Variants in CHM observed in about 807,000 individuals in gnomAD.
CHM encodes the protein rab proteins geranylgeranyltransferase component A 1.
Under a neutral mutation model 49.0 loss-of-function variants are expected in CHM, and 10 were observed. The ratio of observed to expected loss-of-function variants is 0.20; its 90% confidence interval spans 0.13 to 0.35. The LOEUF (loss-of-function observed/expected upper bound fraction) is 0.35, where lower values mean the gene tolerates loss of function less well. Ranked by LOEUF, CHM falls within the 10% of genes least tolerant of loss-of-function variation. The probability of loss-of-function intolerance (pLI) is 1.00; values close to 1 mark genes in which losing one functional copy is unlikely to be tolerated. For synonymous variants in CHM, 184 were observed against 167.5 expected (o/e 1.10, Z -0.76); for missense variants, 455 against 478.4 (o/e 0.95, Z 0.46).
intron 8 of CHM, among the ~76,000 whole-genome samples, chrX:85,923,564 C>T (rs980080189): frequency 8.9e-6 from 1 of 112,072 alleles, no homozygotes; most frequent in Non-Finnish European, 1.9e-5. Flanking sequence ...AACATTTATA[C>T]TTTTATGCAC....
At chrX:85,996,938 AAC>A (rs1178658355) in intron 2 of CHM, among the ~76,000 whole-genome samples, 1 of 111,466 alleles carries the variant, frequency 9.0e-6, no homozygotes, top group Admixed American at 9.5e-5. Flanking sequence ...TTTATCTATC[AAC>A]ACAGTTTTTA....
chrX:85,875,658 C>T (rs1040887491), intron 13 of CHM, among the ~76,000 whole-genome samples: 8 of 111,650 alleles, frequency 7.2e-5, no homozygotes, highest in Admixed American at 2.9e-4. Context: ...AAGACATTTG[C>T]TTTCACAGCC....
chrX:85,869,503 T>G (rs903826237), intron 14 of CHM, among the ~76,000 whole-genome samples: 1 of 110,428 alleles, frequency 9.1e-6, no homozygotes, highest in Admixed American at 9.7e-5. Context: ...CCTCCTAAGA[T>G]TAGCACCAGT....
intron 4 of CHM, chrX:85,971,105 T>C (rs1440252922): frequency 3.2e-6 from 2 of 624,771 alleles, no homozygotes; most frequent in Admixed American, 1.8e-4. Flanking sequence ...AAATACACCC[T>C]ATATATTTAT....
rs116239792 is a variant in CHM, at chrX:85,924,076, T to C, written c.1167-12738A>G. 6.8e-3 allele frequency among the ~76,000 whole-genome samples: 758 copies of C among 111,149 alleles called. 4 individuals are homozygous for C. Among genetic ancestry groups the C allele is most frequent in the African/African-American group, 0.023 (697 of 30,531 alleles). On this transcript the variant is annotated intron_variant, in intron 8 of 14. Transcript: ENST00000357749. ...AGGCCAGGTTAAAGATCTTAAACTT[T>C]ACTCTTAAGTACAATGAGTAGTACA... is the stretch of plus-strand genomic sequence containing the variant.
intron 1 of CHM, among the ~76,000 whole-genome samples, chrX:86,034,779 T>TCAAAA (rs1009953131): frequency 1.8e-5 from 2 of 109,260 alleles, no homozygotes; most frequent in African/African-American, 3.3e-5. Flanking sequence ...AGACTTTGTC[T>TCAAAA]CAAAACAAAA....
intron 1 of CHM, among the ~76,000 whole-genome samples, chrX:86,037,500 C>G (rs1032954395): frequency 1.8e-5 from 2 of 111,292 alleles, no homozygotes; most frequent in African/African-American, 6.5e-5. Context: ...AAAGTATACC[C>G]CAGGCCAGTG....
At chrX:85,881,855 T>C (rs925299431) in intron 12 of CHM, among the ~76,000 whole-genome samples, 4 of 112,297 alleles carry the variant, frequency 3.6e-5, no homozygotes, top group Non-Finnish European at 5.6e-5. Flanking sequence ...AATATATTTA[T>C]GACAGTTAGA....
intron 8 of CHM, among the ~76,000 whole-genome samples, chrX:85,914,563 C>G (rs1057075818): frequency 9.0e-6 from 1 of 110,809 alleles, no homozygotes; most frequent in Non-Finnish European, 1.9e-5. Context: ...CTCCCCAAGC[C>G]ACGCTGCCAG....
intron 8 of CHM, among the ~76,000 whole-genome samples, chrX:85,920,205 C>G (rs923981285): frequency 8.1e-4 from 89 of 109,951 alleles, no homozygotes; most frequent in Non-Finnish European, 1.3e-4. Flanking sequence ...ACGCCATTCT[C>G]CTGCTTCAGC....
In CHM at chrX:85,885,983, C is replaced by T. The variant is rs562135038; in HGVS notation, c.1511-6920G>A. On this transcript the variant is annotated intron_variant, in intron 12 of 14. Transcript: ENST00000357749. ...ATTTAAAATTTATTCTTCTTAAACA[C>T]GATTTTATTGTTTGATTTCTACAAA... is the stretch of plus-strand genomic sequence containing the variant. Among the ~76,000 whole-genome samples, 16 of 111,076 alleles carry T rather than the reference C, an allele frequency of 1.4e-4. No homozygotes were observed. The South Asian group carries it at 5.3e-3, about 37-fold the overall frequency.
chrX:86,026,102 C>CT lies in CHM; in HGVS notation c.116+1388dup, dbSNP rs1167691945. ...CTGGGCTTTCAAGGTAGCAGATTTT[C>CT]TTTTTTTTTTTTTTTTTTTTTTTTT... On this transcript the variant is annotated intron_variant, in intron 2 of 14. Coordinates refer to ENST00000357749, the MANE Select transcript of CHM (RefSeq NM_000390.4). 4.1e-3 allele frequency among the ~76,000 whole-genome samples: 109 copies of CT among 26,757 alleles called. 37 individuals carry two copies. Among genetic ancestry groups the CT allele is most frequent in the Non-Finnish European group, 6.7e-3 (88 of 13,230 alleles). 23.2% of individuals were successfully genotyped at this position (26,757 alleles called of 115,157 possible).
At chrX:85,917,114 T>C (rs1163565544) in intron 8 of CHM, among the ~76,000 whole-genome samples, 1 of 112,003 alleles carries the variant, frequency 8.9e-6, no homozygotes, top group East Asian at 2.8e-4. Context: ...TATGCAGCCA[T>C]AAAGAAAGAT....
intron 8 of CHM, among the ~76,000 whole-genome samples, chrX:85,949,248 A>T (rs1020680364): frequency 1.4e-4 from 16 of 112,549 alleles, no homozygotes; most frequent in African/African-American, 5.2e-4. Flanking sequence ...CATGACAAAC[A>T]AAACTTGTAA....
intron 8 of CHM, among the ~76,000 whole-genome samples, chrX:85,932,844 G>A (rs763421743): frequency 6.5e-4 from 73 of 111,907 alleles, no homozygotes; most frequent in Non-Finnish European, 1.1e-3. Flanking sequence ...AAGCAAGAAA[G>A]TTAATTCAGT....
At chrX:85,980,478 G>A (rs1002208281) in intron 3 of CHM, among the ~76,000 whole-genome samples, 1 of 112,064 alleles carries the variant, frequency 8.9e-6, no homozygotes, top group African/African-American at 3.2e-5. Context: ...TTGTCATCAT[G>A]AGAGGCACTT....
chrX:85,902,200 T>C (rs985020113), intron 9 of CHM, among the ~76,000 whole-genome samples: 7 of 111,740 alleles, frequency 6.3e-5, no homozygotes, highest in Non-Finnish European at 1.3e-4. Context: ...CCTCATAAGA[T>C]GCAAGCAAAT....
intron 3 of CHM, among the ~76,000 whole-genome samples, chrX:85,979,637 C>A (rs769028430): frequency 3.7e-5 from 4 of 107,729 alleles, no homozygotes; most frequent in Admixed American, 1.9e-4. Context: ...AATTTTTAAT[C>A]TGTTTAAAAT....
chrX:85,942,917 C>T (rs1929201949), intron 8 of CHM, among the ~76,000 whole-genome samples: 1 of 72,691 alleles, frequency 1.4e-5, no homozygotes, highest in South Asian at 1.3e-3. Flanking sequence ...CCCCTCCCCT[C>T]ACCCCTCAAC....
Sources: allele counts gnomAD v4.1 joint callset (sites outside exome capture counted in the v4.1 genomes callset), GRCh38; gene constraint gnomAD v4.1.1; transcripts MANE v1.5; gene names NCBI Gene and HGNC (gene_info 2026-07-23, HGNC 2026-07-21).